GPR39: variants seen among roughly 807,000 people sequenced by gnomAD.
GPR39 encodes the protein zinc sensing receptor.
Under a neutral mutation model 18.4 loss-of-function variants are expected in GPR39, and 23 were observed. The ratio of observed to expected loss-of-function variants is 1.25; its 90% confidence interval spans 0.90 to 1.77. GPR39 has a LOEUF of 1.77. Ranked by LOEUF, GPR39 falls within the 40% of genes most tolerant of loss-of-function variation. The probability of loss-of-function intolerance (pLI) is 0.00; values close to 1 mark genes in which losing one functional copy is unlikely to be tolerated. For missense variants in GPR39, 647 were observed against 602.4 expected, an observed-to-expected ratio of 1.07 and a Z score of -0.78; for synonymous variants, 280 against 257.9, an observed-to-expected ratio of 1.09 and a Z score of -0.82.
At chr2:132,510,899 A>G (rs1236394625) in intron 1 of GPR39, among the ~76,000 whole-genome samples, 6 of 152,124 alleles carry the variant, frequency 3.9e-5, no homozygotes, top group Non-Finnish European at 8.8e-5. Context: ...TAGCTCCTGA[A>G]CTCCCAAAGG....
intron 1 of GPR39, among the ~76,000 whole-genome samples, chr2:132,621,021 G>A (rs1558861654): frequency 6.6e-6 from 1 of 152,128 alleles, no homozygotes; most frequent in Non-Finnish European, 1.5e-5. Flanking sequence ...CAAACTGCTG[G>A]GATTACAGGA....
chr2:132,435,607 C>A (rs1680303146), intron 1 of GPR39, among the ~76,000 whole-genome samples: 1 of 152,164 alleles, frequency 6.6e-6, no homozygotes, highest in Admixed American at 6.5e-5. Flanking sequence ...TGAATGCCTG[C>A]ACTGTTCAAG....
At chr2:132,478,921 C>A (rs546887586) in intron 1 of GPR39, among the ~76,000 whole-genome samples, 3 of 151,292 alleles carry the variant, frequency 2.0e-5, no homozygotes, top group Non-Finnish European at 4.4e-5. Context: ...GATGTGAGCT[C>A]TACTTGGCAT....
intron 1 of GPR39, among the ~76,000 whole-genome samples, chr2:132,419,486 C>T (rs1041890424): frequency 1.3e-5 from 2 of 152,212 alleles, no homozygotes; most frequent in Non-Finnish European, 2.9e-5. Flanking sequence ...GGTGGTGTTG[C>T]TGCCTCTTAG....
At chr2:132,468,081 GC>G (rs1439211889) in intron 1 of GPR39, among the ~76,000 whole-genome samples, 2 of 152,120 alleles carry the variant, frequency 1.3e-5, no homozygotes, top group Non-Finnish European at 2.9e-5. Flanking sequence ...CCAACACTCT[GC>G]CTGATACTTG....
At chr2:132,531,173 T>G (rs1170920783) in intron 1 of GPR39, among the ~76,000 whole-genome samples, 2 of 151,480 alleles carry the variant, frequency 1.3e-5, no homozygotes, top group African/African-American at 4.9e-5. Context: ...ACCAAGCAAA[T>G]GGAAAACAAA....
chr2:132,430,785 C>A (rs776918761), intron 1 of GPR39, among the ~76,000 whole-genome samples: 2 of 152,160 alleles, frequency 1.3e-5, no homozygotes, highest in African/African-American at 4.8e-5. Context: ...CCCAGGAGAG[C>A]GGGTTACAGA....
At chr2:132,493,297 A>G (rs2104798235) in intron 1 of GPR39, among the ~76,000 whole-genome samples, 1 of 146,646 alleles carries the variant, frequency 6.8e-6, no homozygotes, top group Admixed American at 6.9e-5. Flanking sequence ...CCATATATAT[A>G]CACCATATAT....
At chr2:132,569,990 G>T (rs895053155) in intron 1 of GPR39, among the ~76,000 whole-genome samples, 3 of 152,166 alleles carry the variant, frequency 2.0e-5, no homozygotes, top group African/African-American at 7.2e-5. Flanking sequence ...CCAGTCTCGG[G>T]TTTGTCTTTA....
chr2:132,492,726 AC>A (rs1558814594), intron 1 of GPR39, among the ~76,000 whole-genome samples: 1 of 97,092 alleles, frequency 1.0e-5, no homozygotes, highest in South Asian at 3.3e-4. Flanking sequence ...CCATATATAT[AC>A]CATATATATA....
At chr2:132,604,744 G>C (rs1681103370) in intron 1 of GPR39, 1 of 152,236 alleles carries the variant, frequency 6.6e-6, no homozygotes, top group African/African-American at 2.4e-5. Flanking sequence ...ATTTGAATTA[G>C]ACTTTGCAGA....
intron 1 of GPR39, among the ~76,000 whole-genome samples, chr2:132,509,187 A>G (rs1216312932): frequency 1.3e-5 from 2 of 152,224 alleles, no homozygotes; most frequent in Admixed American, 1.3e-4. Flanking sequence ...GTATGCAATC[A>G]GTCTCTCACT....
In GPR39 at chr2:132,633,193, A is replaced by G. The variant is rs376896054; in HGVS notation, c.857-11908A>G. 4.4e-3 allele frequency among the ~76,000 whole-genome samples: 663 copies of G among 152,280 alleles called. 4 individuals carry two copies. Among genetic ancestry groups the G allele is most frequent in the Middle Eastern group, 0.024 (7 of 294 alleles). On this transcript the variant is annotated intron_variant, in intron 1 of 1. Transcript: ENST00000329321. ...ACCTGGACGGGAAGCATGTGAGCAC[A>G]GGGAGTTGGGGAAAGGCTCAGAGCT...
rs548316431 is a variant in GPR39 at position 132,442,609 on chromosome 2, T to A, written c.856+24711T>A. Among the ~76,000 whole-genome samples, 6 of 152,308 alleles carry A rather than the reference T, an allele frequency of 3.9e-5. No homozygotes were observed. The South Asian group carries it at 1.2e-3, about 32-fold the overall frequency. ...GCAGAGTCAGACACAGCTTTGGACT[T>A]CAGAGAAGATTTAAGCAGCAAAACT... On this transcript the variant is annotated intron_variant, in intron 1 of 1. Coordinates refer to ENST00000329321, the MANE Select transcript of GPR39 (RefSeq NM_001508.3).
At chr2:132,579,848 C>G (rs1680594211) in intron 1 of GPR39, among the ~76,000 whole-genome samples, 1 of 151,986 alleles carries the variant, frequency 6.6e-6, no homozygotes, top group African/African-American at 2.4e-5. Context: ...CTTAATTATT[C>G]TTAGATGTTT....
intron 1 of GPR39, among the ~76,000 whole-genome samples, chr2:132,564,008 A>G (rs1415177723): frequency 6.6e-6 from 1 of 152,100 alleles, no homozygotes; most frequent in Non-Finnish European, 1.5e-5. Flanking sequence ...AAGCCTTGAA[A>G]CCACTGCTGC....
At chr2:132,519,145 A>C (rs1679381272) in intron 1 of GPR39, among the ~76,000 whole-genome samples, 1 of 152,226 alleles carries the variant, frequency 6.6e-6, no homozygotes, top group Admixed American at 6.5e-5. Flanking sequence ...TGGCAAATTT[A>C]CAGTCTCTGT....
intron 1 of GPR39, among the ~76,000 whole-genome samples, chr2:132,601,614 GA>G (rs1247748902): frequency 1.3e-5 from 2 of 152,012 alleles, no homozygotes; most frequent in Non-Finnish European, 2.9e-5. Flanking sequence ...CATATACACT[GA>G]AAAAAAGGCA....
chr2:132,417,220 A>G lies in GPR39; in HGVS notation c.178A>G (p.Lys60Glu). The change falls in exon 1 of 2, where the codon AAG (lysine) becomes GAG (glutamate). Residue 60 changes from lysine to glutamate, a missense_variant. Lys to Glu is a moderately conservative substitution (Grantham distance 56). This residue lies in a region of GPR39 where 61 missense variants were observed against 79.2 expected (regional missense o/e 0.77). Coordinates refer to ENST00000329321, the MANE Select transcript of GPR39 (RefSeq NM_001508.3). ...ATIRVTQVLQ[K>E]KGYLQKEVTD... is the part of the protein sequence containing the mutation. ...CATTCGGGTCACCCAGGTGCTGCAG[A>G]AGAAAGGATACTTGCAGAAGGAGGT... is the stretch of plus-strand genomic sequence containing the variant. 1 of 1,614,126 alleles carries G rather than the reference A, an allele frequency of 6.2e-7. No individual in the cohort carries two copies. The highest frequency in any genetic ancestry group is 8.5e-7 in the Non-Finnish European group (1 of 1,180,002).
Sources: allele counts gnomAD v4.1 joint callset (sites outside exome capture counted in the v4.1 genomes callset), GRCh38; gene constraint gnomAD v4.1.1; regional missense constraint gnomAD v4.1.1; transcripts MANE v1.5; gene names NCBI Gene and HGNC (gene_info 2026-07-23, HGNC 2026-07-21).